SS18: variants seen among roughly 807,000 people sequenced by gnomAD.
The protein encoded by SS18 is SS18 subunit of BAF chromatin remodeling complex, also known as protein SSXT.
In SS18, 28 loss-of-function variants were observed where a neutral mutation model predicts 72.5. The observed-to-expected ratio is 0.39, with a 90% CI of 0.29 to 0.53. The LOEUF is 0.53. SS18 is among the 20% of genes least tolerant of loss of function. The pLI, the probability that SS18 is intolerant of heterozygous loss-of-function variation, is 0.76. For missense variants in SS18, 518 were observed against 535.3 expected, an observed-to-expected ratio of 0.97 and a Z score of 0.32; for synonymous variants, 172 against 164.2, an observed-to-expected ratio of 1.05 and a Z score of -0.37.
chr18:26,083,579 T>C (rs187738822), intron 2 of SS18, among the ~76,000 whole-genome samples: 38 of 152,286 alleles, frequency 2.5e-4, no homozygotes, highest in Middle Eastern at 3.4e-3. Flanking sequence ...TTTACTATAC[T>C]GAATACTGTT....
intron 5 of SS18, among the ~76,000 whole-genome samples, chr18:26,045,539 A>G (rs1598558627): frequency 2.0e-5 from 3 of 152,224 alleles, no homozygotes; most frequent in East Asian, 1.9e-4. Flanking sequence ...TTTACTTTGC[A>G]TATTTCTCTT....
intron 6 of SS18, among the ~76,000 whole-genome samples, 176 bp from the exon 7 acceptor site, chr18:26,038,835 C>G (rs1376140875): frequency 6.6e-6 from 1 of 152,136 alleles, no homozygotes; most frequent in Non-Finnish European, 1.5e-5. Flanking sequence ...CACAGCAGCT[C>G]CACATACCAC....
chr18:26,078,187 T>A (rs1193915312), intron 2 of SS18, 27 bp from the exon 3 acceptor site: 2 of 1,543,426 alleles, frequency 1.3e-6, no homozygotes, highest in Non-Finnish European at 1.8e-6. Context: ...AGTATCAGTA[T>A]TAAAAAATAA....
At position 26,035,903 on chromosome 18, in the gene SS18, G is replaced by A; in HGVS notation, c.901C>T (p.Gln301Ter). 1 of 1,599,626 alleles carries A rather than the reference G, an allele frequency of 6.3e-7. No individual in the cohort carries two copies. The highest frequency in any genetic ancestry group is 8.5e-7 in the Non-Finnish European group (1 of 1,171,374). ...YPDGHNDYGY[Q>*]QPSYPEQGYD... ...CCTTGTTCAGGATACGACGGTTGCT[G>A]ATAACCGTAATCATTATGACCTACA... Residue 301 changes from glutamine to a stop codon, truncating the protein, a stop_gained, in exon 8 of 11, where the codon CAG becomes TAG. Coordinates refer to ENST00000415083, the MANE Select transcript of SS18 (RefSeq NM_001007559.3). LOFTEE classifies it high-confidence loss of function. This position sits in a 1 kb window ranked among gnomAD's most constrained non-coding sequence, Gnocchi z 4.4.
At chr18:26,062,772 T>C (rs2144051099) in intron 3 of SS18, among the ~76,000 whole-genome samples, 1 of 152,334 alleles carries the variant, frequency 6.6e-6, no homozygotes, top group East Asian at 1.9e-4. Flanking sequence ...GCTTAAATTA[T>C]TAGGGATAAA....
At chr18:26,076,999 T>A (rs1226130020) in intron 3 of SS18, among the ~76,000 whole-genome samples, 1 of 151,964 alleles carries the variant, frequency 6.6e-6, no homozygotes, top group Non-Finnish European at 1.5e-5. Flanking sequence ...AAATATTTAA[T>A]GAAAGGAAGT....
At chr18:26,026,118 T>C (rs1357549711) in intron 10 of SS18, among the ~76,000 whole-genome samples, 2 of 152,324 alleles carry the variant, frequency 1.3e-5, no homozygotes, top group African/African-American at 4.8e-5. Context: ...ACCACTGTTA[T>C]GTCAGGACAC....
intron 5 of SS18, among the ~76,000 whole-genome samples, chr18:26,048,105 T>C (rs538972551): frequency 4.6e-5 from 7 of 152,354 alleles, no homozygotes; most frequent in African/African-American, 1.2e-4. Flanking sequence ...ATTTAGCAAA[T>C]AGGAAGACTG....
chr18:26,035,281 C>T lies in SS18; in HGVS notation c.974-154G>A. 1.9e-6 allele frequency: 2 copies of T among 1,034,716 alleles called. No individual in the cohort carries two copies. The highest frequency in any genetic ancestry group is 2.7e-6 in the Non-Finnish European group (2 of 743,634). 64.1% of individuals were successfully genotyped at this position (1,034,716 alleles called of 1,614,324 possible). ...AAACAAAGAAAAAACTCAAACCAAA[C>T]AGAAGGATTTCGGCCAAACAAACTG... is the stretch of plus-strand genomic sequence containing the variant. On this transcript the variant is annotated intron_variant, in intron 8 of 10. Transcript: ENST00000415083. The surrounding 1 kb of genome is among the most constrained non-coding windows in gnomAD (Gnocchi z 4.4).
chr18:26,025,803 C>T (rs927354644), intron 10 of SS18, among the ~76,000 whole-genome samples: 3 of 151,650 alleles, frequency 2.0e-5, no homozygotes, highest in African/African-American at 7.3e-5. Flanking sequence ...AAATTCTTCC[C>T]AACTCACTCT....
intron 3 of SS18, among the ~76,000 whole-genome samples, chr18:26,076,017 G>A (rs1337430442): frequency 7.2e-5 from 11 of 151,812 alleles, no homozygotes; most frequent in African/African-American, 2.4e-4. Flanking sequence ...TGAGAGATGT[G>A]CAAACCATCT....
At chr18:26,087,847 A>T (rs2054643797) in intron 1 of SS18, among the ~76,000 whole-genome samples, 1 of 152,212 alleles carries the variant, frequency 6.6e-6, no homozygotes, top group African/African-American at 2.4e-5. Flanking sequence ...ATTCATTTTA[A>T]TAACAAATAT....
intron 4 of SS18, among the ~76,000 whole-genome samples, chr18:26,056,583 T>A (rs927598811): frequency 7.9e-5 from 12 of 152,178 alleles, no homozygotes; most frequent in African/African-American, 2.4e-4. Context: ...CCTCTTTTGC[T>A]CTGTGCTCTC....
intron 10 of SS18, 68 bp from the exon 11 acceptor site, chr18:26,018,448 C>G: frequency 2.4e-6 from 3 of 1,240,810 alleles, no homozygotes; most frequent in Non-Finnish European, 3.4e-6. Context: ...AGATTACAAA[C>G]GAATCATTTC....
At chr18:26,047,669 G>A (rs576916169) in intron 5 of SS18, among the ~76,000 whole-genome samples, 10 of 151,836 alleles carry the variant, frequency 6.6e-5, no homozygotes, top group East Asian at 1.9e-4. Context: ...GTGAAACCCC[G>A]TCTCTACCAA....
intron 3 of SS18, among the ~76,000 whole-genome samples, chr18:26,059,898 A>G (rs1364747934): frequency 2.0e-5 from 3 of 152,256 alleles, no homozygotes; most frequent in African/African-American, 4.8e-5. Flanking sequence ...GTCCAGAAAA[A>G]TAACAAGTGT....
intron 10 of SS18, among the ~76,000 whole-genome samples, chr18:26,032,083 C>T (rs2053552176): frequency 6.6e-6 from 1 of 152,064 alleles, no homozygotes; most frequent in South Asian, 2.1e-4. Context: ...AACTCTCTAT[C>T]TATACTTTAC....
intron 5 of SS18, among the ~76,000 whole-genome samples, chr18:26,042,566 T>C (rs1294886954): frequency 6.6e-6 from 1 of 151,928 alleles, no homozygotes; most frequent in Non-Finnish European, 1.5e-5. Flanking sequence ...CAAATTACCA[T>C]ATTTTATATT....
chr18:26,042,372 A>G (rs1362340959), intron 5 of SS18, among the ~76,000 whole-genome samples: 1 of 152,190 alleles, frequency 6.6e-6, no homozygotes, highest in Admixed American at 6.5e-5. Flanking sequence ...AAAGCGTGAT[A>G]ATACATATGC....
Sources: gnomAD v4.1 joint callset for allele counts (sites outside exome capture counted in the v4.1 genomes callset) on GRCh38, gnomAD v4.1.1 for gene constraint, Gnocchi (gnomAD v3.1) non-coding constraint, MANE v1.5 for transcripts, NCBI Gene and HGNC (gene_info 2026-07-23, HGNC 2026-07-21) for gene names.